Variants in L3MBTL1 observed in about 807,000 individuals in gnomAD.
L3MBTL1 encodes L3MBTL histone methyl-lysine binding protein 1.
A neutral mutation model predicts 105.3 loss-of-function variants in L3MBTL1; 75 were observed. That is an observed-to-expected ratio of 0.71 (90% CI 0.59 to 0.86). The LOEUF is 0.86. Among genes scored for constraint, L3MBTL1 ranks in the 40% least tolerant of loss-of-function variants. L3MBTL1 has a pLI of 0.00. For missense variants in L3MBTL1, 1,069 were observed against 1,126.4 expected (o/e 0.95, Z 0.73); for synonymous variants, 452 against 436.2 (o/e 1.04, Z -0.45).
At chr20:43,531,120 C>G in intron 11 of L3MBTL1, 1 of 541,952 alleles carries the variant, frequency 1.8e-6, no homozygotes, top group Non-Finnish European at 3.3e-6. Flanking sequence ...ACTGCAGATA[C>G]CCTGTCCTCA....
At chr20:43,547,431 G>A (rs1381931684) in intron 18 of L3MBTL1, among the ~76,000 whole-genome samples, 1 of 152,188 alleles carries the variant, frequency 6.6e-6, no homozygotes, top group African/African-American at 2.4e-5. Flanking sequence ...GTCTTTCAGA[G>A]TGTGGTTTTT....
chr20:43,545,141 G>A (rs762277782), downstream of L3MBTL1, among the ~76,000 whole-genome samples: 9 of 152,094 alleles, frequency 5.9e-5, no homozygotes, highest in Non-Finnish European at 1.0e-4. Context: ...GCGCACATCC[G>A]TAATCCCAGA....
intron 11 of L3MBTL1, 89 bp from the exon 12 acceptor site, chr20:43,532,684 A>G (rs1885673091): frequency 1.4e-6 from 2 of 1,398,786 alleles, no homozygotes; most frequent in Middle Eastern, 2.0e-4. Context: ...AGGCTTTCCT[A>G]GAGAACCTAT....
chr20:43,533,539 A>G, intron 13 of L3MBTL1, 121 bp downstream of exon 13: 1 of 786,754 alleles, frequency 1.3e-6, no homozygotes, highest in East Asian at 2.7e-5. Flanking sequence ...GAGAACAGAC[A>G]TGTCCTGAAG....
At chr20:43,549,732 GT>G (rs1246105254) in exon 19 of L3MBTL1, 3 of 37,662 alleles carry the variant, frequency 8.0e-5, no homozygotes, top group African/African-American at 4.9e-4. Flanking sequence ...GTGTGTGCAT[GT>G]GTGTGTGTGT....
chr20:43,547,541 C>T (rs1978697274), intron 18 of L3MBTL1, among the ~76,000 whole-genome samples: 1 of 152,190 alleles, frequency 6.6e-6, no homozygotes, highest in Non-Finnish European at 1.5e-5. Flanking sequence ...CTGGGTTAGA[C>T]TTAGGTTAAA....
At position 43,536,220 on chromosome 20, in the gene L3MBTL1, T is replaced by A. The variant is rs763390715; in HGVS notation, c.2049T>A (p.Ser683=). Residue 683 remains serine, a synonymous_variant, in exon 18 of 22, where the codon TCT becomes TCA. Transcript: ENST00000418998. ...AGAGCCGGCTGAAAGCGGAGCTGTC[T>A]GACTCGGAGGCCTCAGCCCGCAAGA... ...RNQSRLKAEL[S]DSEASARKKN... 1 of 1,612,878 alleles carries A rather than the reference T, an allele frequency of 6.2e-7. No individual in the cohort carries two copies. The highest frequency in any genetic ancestry group is 8.5e-7 in the Non-Finnish European group (1 of 1,179,710).
intron 12 of L3MBTL1, 73 bp from the exon 13 acceptor site, chr20:43,533,269 C>T: frequency 7.1e-7 from 1 of 1,405,006 alleles, no homozygotes; most frequent in African/African-American, 1.4e-5. Flanking sequence ...GGGCCCTGAG[C>T]CATGCTTTCA....
At chr20:43,522,456 A>ATTTT (rs778355165) in intron 7 of L3MBTL1, among the ~76,000 whole-genome samples, 970 of 89,792 alleles carry the variant, frequency 0.011, 150 homozygotes, top group South Asian at 0.015. Flanking sequence ...TTCCCTGCTA[A>ATTTT]GTTTTTTTTT....
rs1165600812 is a variant in L3MBTL1 at position 43,515,429 on chromosome 20, A to G, written c.777+14A>G. On this transcript the variant is annotated intron_variant, in intron 6 of 21. Transcript: ENST00000418998. Reference sequence around the variant, plus strand: ...CCAGAGGCCATGGTAGGAAGAGGGCAGTGGGGAAGGGAGGGGGAAGCTATA... The same window carrying G: ...CCAGAGGCCATGGTAGGAAGAGGGCGGTGGGGAAGGGAGGGGGAAGCTATA... 3 of 1,552,522 alleles carry G rather than the reference A, an allele frequency of 1.9e-6. No individual in the cohort carries two copies. The highest frequency in any genetic ancestry group is 2.0e-5 in the Admixed American group (1 of 51,050).
chr20:43,513,197 G>A (rs1201659274), intron 1 of L3MBTL1, among the ~76,000 whole-genome samples: 1 of 152,186 alleles, frequency 6.6e-6, no homozygotes, highest in Non-Finnish European at 1.5e-5. Flanking sequence ...AGTCAGTTTT[G>A]TACATCACAG....
rs762364128 is a variant in L3MBTL1 at position 43,515,308 on chromosome 20, A to G, written c.670A>G (p.Asn224Asp). Residue 224 changes from asparagine (N) to aspartate (D), a missense_variant, in exon 6 of 22, where the codon AAC becomes GAC. Physicochemically the swap from Asn to Asp is conservative, Grantham distance 23 (BLOSUM62 1). Coordinates refer to ENST00000418998, the MANE Select transcript of L3MBTL1 (RefSeq NM_001377303.1). ...CTTCCTCAGGTCAGTCATAGTGGAG[A>G]ACTCCTCAGGCTCTACCAGCGCTTC... ...LFQERSVIVE[N>D]SSGSTSASEL... 3 of 1,602,176 alleles carry G rather than the reference A, an allele frequency of 1.9e-6. No homozygotes were observed. The East Asian group carries it at 6.8e-5, about 36-fold the overall frequency.
chr20:43,543,109 T>G (rs912635306), downstream of L3MBTL1, among the ~76,000 whole-genome samples: 1 of 151,654 alleles, frequency 6.6e-6, no homozygotes, highest in Non-Finnish European at 1.5e-5. Context: ...CCACTGAGTT[T>G]TTTTTTTTTT....
At position 43,515,314 on chromosome 20, in the gene L3MBTL1, T is replaced by C; in HGVS notation, c.676T>C (p.Ser226Pro). The C allele has an allele frequency of 3.1e-6, 5 of 1,599,540 alleles. No homozygotes were observed. Among genetic ancestry groups the C allele is most frequent in the Non-Finnish European group, 4.3e-6 (5 of 1,172,316 alleles). The change falls in exon 6 of 22, where the codon TCA becomes CCA. Residue 226 changes from serine (S) to proline (P), a missense_variant. Ser to Pro is a moderately conservative substitution (Grantham distance 74). Coordinates refer to ENST00000418998, the MANE Select transcript of L3MBTL1 (RefSeq NM_001377303.1). ...CAGGTCAGTCATAGTGGAGAACTCC[T>C]CAGGCTCTACCAGCGCTTCTGAGCT... ...QERSVIVENS[S>P]GSTSASELLK... is the part of the protein sequence containing the mutation.
intron 9 of L3MBTL1, 104 bp downstream of exon 9, chr20:43,529,472 A>G (rs894304572): frequency 8.7e-6 from 7 of 801,478 alleles, no homozygotes; most frequent in Middle Eastern, 2.3e-4. Context: ...CTCAGAGCAC[A>G]CACAATCTAG....
At chr20:43,521,717 A>T (rs1324995037) in intron 7 of L3MBTL1, among the ~76,000 whole-genome samples, 3 of 152,098 alleles carry the variant, frequency 2.0e-5, no homozygotes, top group Admixed American at 6.6e-5. Flanking sequence ...TAATTATTTT[A>T]TTTTTTATCA....
chr20:43,513,470 T>C lies in L3MBTL1; in HGVS notation c.-28-6T>C. On this transcript the variant is annotated splice_polypyrimidine_tract_variant and splice_region_variant and intron_variant, in intron 1 of 21. Coordinates refer to ENST00000418998, the MANE Select transcript of L3MBTL1 (RefSeq NM_001377303.1). The stretch of plus-strand genomic sequence containing the variant: ...GATCACCCTGGGGGCTATGTTTGGC[T>C]TGTAGGCCTGCCAGGATGGAGGGGC... The C allele has an allele frequency of 6.5e-7, 1 of 1,547,784 alleles. No homozygotes were observed. Among genetic ancestry groups the C allele is most frequent in the Non-Finnish European group, 8.7e-7 (1 of 1,145,270 alleles).
intron 16 of L3MBTL1, 114 bp downstream of exon 16, chr20:43,535,056 G>C: frequency 3.0e-6 from 2 of 666,050 alleles, no homozygotes; most frequent in Non-Finnish European, 5.1e-6. Context: ...AGAGGGCTCT[G>C]ATGCCTACCA....
rs559406244 is a variant in L3MBTL1 at position 43,508,701 on chromosome 20, T to TC, written c.-29+959dup. Among the ~76,000 whole-genome samples the TC allele has an allele frequency of 2.3e-3, 352 of 152,330 alleles. 1 individual carries two copies. The highest frequency in any genetic ancestry group is 7.9e-3 in the African/African-American group (328 of 41,586). ...TTAGGTCGGGTCCCCCGAAACAGAC[T>TC]CCGATAGCAAGATTTGAGTGTAGGT... On this transcript the variant is annotated intron_variant, in intron 1 of 21. Coordinates refer to ENST00000418998, the MANE Select transcript of L3MBTL1 (RefSeq NM_001377303.1).
Sources: allele counts gnomAD v4.1 joint callset (sites outside exome capture counted in the v4.1 genomes callset), GRCh38; gene constraint gnomAD v4.1.1; transcripts MANE v1.5; gene names NCBI Gene and HGNC (gene_info 2026-07-23, HGNC 2026-07-21).